The following PRKDC variants were observed in gnomAD, a reference collection of about 807,000 sequenced individuals.
The protein encoded by PRKDC is DNA-dependent protein kinase catalytic subunit.
PRKDC carries 82 observed loss-of-function variants against 486.9 expected under a neutral mutation model. The ratio of observed to expected loss-of-function variants is 0.17; its 90% confidence interval spans 0.14 to 0.20. PRKDC has a LOEUF of 0.20. PRKDC is among the 10% of genes least tolerant of loss of function. The probability of loss-of-function intolerance (pLI) is 1.00; values close to 1 mark genes in which losing one functional copy is unlikely to be tolerated. For missense variants in PRKDC, 4,504 were observed against 5,038.2 expected, an observed-to-expected ratio of 0.89 and a Z score of 3.21; for synonymous variants, 1,895 against 1,837.0, an observed-to-expected ratio of 1.03 and a Z score of -0.81.
In PRKDC at chr8:47,775,088, C is replaced by T. The variant is rs8178264; in HGVS notation, c.12183-711G>A. On this transcript the variant is annotated intron_variant, in intron 85 of 85. Coordinates refer to ENST00000314191, the MANE Select transcript of PRKDC (RefSeq NM_006904.7). ...TATAATTCCAGCTACTCAGGAGGCT[C>T]GGACAGGAGGATCGCTTGAACCCAG... 5.6e-3 allele frequency among the ~76,000 whole-genome samples: 849 copies of T among 151,888 alleles called. 5 individuals are homozygous for T. The highest frequency in any genetic ancestry group is 0.016 in the South Asian group (76 of 4,808).
Position 47,858,501 on chromosome 8 carries a change from TAATC to T in PRKDC, c.6465+11_6465+14del. 6.9e-7 allele frequency: 1 copy of T among 1,457,542 alleles called. No individual in the cohort carries two copies. The highest frequency in any genetic ancestry group is 9.2e-7 in the Non-Finnish European group (1 of 1,081,670). 90.3% of individuals were successfully genotyped at this position (1,457,542 alleles called of 1,614,324 possible). A position where few individuals can be genotyped will look rare whatever the true frequency, so the allele number is the denominator to read the frequency against. On this transcript the variant is annotated intron_variant, in intron 48 of 85. Transcript: ENST00000314191. ...AGAATCTATTCAAAGAATAAAGAAATAATCAATTACTTACCTCTTCTGTATTAAT... is the reference window on the plus strand; with the variant it reads ...AGAATCTATTCAAAGAATAAAGAAATAATTACTTACCTCTTCTGTATTAAT...
chr8:47,853,935 A>G, intron 51 of PRKDC, 148 bp downstream of exon 51: 1 of 1,032,570 alleles, frequency 9.7e-7, no homozygotes, highest in Non-Finnish European at 1.4e-6. Flanking sequence ...CAAACGTGTT[A>G]GAATTACAGG....
chr8:47,834,606 G>C (rs2087966874), intron 58 of PRKDC, among the ~76,000 whole-genome samples: 1 of 151,122 alleles, frequency 6.6e-6, no homozygotes, highest in South Asian at 2.1e-4. Context: ...GTCCCCATTT[G>C]TAAAGTAAGA....
At chr8:47,955,445 GA>G (rs1459242873) in intron 4 of PRKDC, among the ~76,000 whole-genome samples, 1 of 111,856 alleles carries the variant, frequency 8.9e-6, no homozygotes, top group Non-Finnish European at 1.7e-5. Context: ...CTGGGCGACA[GA>G]GCGAGACTCC....
At chr8:47,944,482 A>AT (rs1156986236) in intron 7 of PRKDC, among the ~76,000 whole-genome samples, 12 of 142,968 alleles carry the variant, frequency 8.4e-5, no homozygotes, top group Admixed American at 6.4e-4. Context: ...TAAGAAAAAA[A>AT]TTAAAAAAAA....
In PRKDC at chr8:47,934,765, C is replaced by G. The variant is rs543998832; in HGVS notation, c.1497+244G>C. Reference sequence around the variant, plus strand: ...TGTCCTAGAGTTTCAAGAGAGAAAACATTTCTGATTTACAAAAATGTATAA... The same window carrying G: ...TGTCCTAGAGTTTCAAGAGAGAAAAGATTTCTGATTTACAAAAATGTATAA... On this transcript the variant is annotated intron_variant, in intron 14 of 85. Transcript: ENST00000314191. 5.4e-4 allele frequency among the ~76,000 whole-genome samples: 82 copies of G among 152,240 alleles called. 2 individuals carry two copies. The South Asian group carries it at 0.017, about 31-fold the overall frequency.
Position 47,898,518 on chromosome 8 carries a change from T to C in PRKDC, c.3416A>G (p.Glu1139Gly), listed in dbSNP as rs1470845582. Reference protein sequence around the residue: ...DAIDHLCRIIEKKHVSLNKAK... With the variant: ...DAIDHLCRIIGKKHVSLNKAK... ...TTTATTTAAAGAAACATGCTTCTTTTCAATGATGCGGCATAGGTGATCAAT... is the reference window on the plus strand; with the variant it reads ...TTTATTTAAAGAAACATGCTTCTTTCCAATGATGCGGCATAGGTGATCAAT... Residue 1139 changes from glutamate to glycine, a missense_variant, in exon 29 of 86, where the codon GAA becomes GGA. By Grantham distance (98) the Glu-to-Gly change is moderately conservative. Coordinates refer to ENST00000314191, the MANE Select transcript of PRKDC (RefSeq NM_006904.7). The C allele has an allele frequency of 1.3e-6, 2 of 1,566,028 alleles. No individual in the cohort carries two copies. The highest frequency in any genetic ancestry group is 3.6e-5 in the Admixed American group (2 of 55,186).
In PRKDC at chr8:47,800,564, T is replaced by A. The variant is rs1165731858; in HGVS notation, c.10116+229A>T. On this transcript the variant is annotated intron_variant, in intron 71 of 85. Coordinates refer to ENST00000314191, the MANE Select transcript of PRKDC (RefSeq NM_006904.7). ...CATGGCACATGTATACATATGTAAC[T>A]AACCTGCACATTGTGCACATGTACC... 3.9e-5 allele frequency among the ~76,000 whole-genome samples: 6 copies of A among 152,126 alleles called. No individual in the cohort carries two copies. The East Asian group carries it at 9.6e-4, about 24-fold the overall frequency.
chr8:47,903,292 G>A (rs1017135303), intron 26 of PRKDC, among the ~76,000 whole-genome samples: 6 of 152,186 alleles, frequency 3.9e-5, no homozygotes, highest in East Asian at 1.9e-4. Context: ...AGGCCCTGCC[G>A]AAAACAGCTA....
chr8:47,869,606 C>A (rs996758182), intron 40 of PRKDC, among the ~76,000 whole-genome samples: 1 of 151,706 alleles, frequency 6.6e-6, no homozygotes, highest in African/African-American at 2.4e-5. Flanking sequence ...GTTGTGGTGG[C>A]CACAGGGAGA....
At chr8:47,908,868 CTTA>C (rs1331357273) in intron 25 of PRKDC, among the ~76,000 whole-genome samples, 1 of 152,110 alleles carries the variant, frequency 6.6e-6, no homozygotes, top group Non-Finnish European at 1.5e-5. Flanking sequence ...CCTTCTAAAT[CTTA>C]TTGATTTACA....
At chr8:47,852,902 T>C in intron 51 of PRKDC, 118 bp from the exon 52 acceptor site, 2 of 689,510 alleles carry the variant, frequency 2.9e-6, no homozygotes, top group South Asian at 3.6e-5. Context: ...GAAATCTAAA[T>C]ATAGAATGTG....
intron 59 of PRKDC, among the ~76,000 whole-genome samples, chr8:47,832,351 C>A (rs1332288648): frequency 6.6e-6 from 1 of 152,194 alleles, no homozygotes; most frequent in Non-Finnish European, 1.5e-5. Flanking sequence ...CTGTTTAGTA[C>A]CCCACCAGGA....
chr8:47,939,246 G>A (rs1328800612), intron 11 of PRKDC, among the ~76,000 whole-genome samples: 1 of 152,194 alleles, frequency 6.6e-6, no homozygotes, highest in African/African-American at 2.4e-5. Flanking sequence ...GGGAGGGATT[G>A]GTTCCAGGCC....
intron 40 of PRKDC, among the ~76,000 whole-genome samples, chr8:47,870,780 C>G (rs905533548): frequency 3.9e-5 from 6 of 152,192 alleles, no homozygotes; most frequent in Non-Finnish European, 5.9e-5. Flanking sequence ...TGTCACCTTT[C>G]AGACAGAGAA....
intron 74 of PRKDC, among the ~76,000 whole-genome samples, chr8:47,793,526 G>A (rs1373999257): frequency 1.3e-5 from 2 of 151,918 alleles, no homozygotes; most frequent in Admixed American, 6.6e-5. Flanking sequence ...TGTAATCCCA[G>A]CTACTCAGGA....
intron 37 of PRKDC, 121 bp from the exon 38 acceptor site, chr8:47,881,641 A>C: frequency 1.5e-6 from 1 of 647,632 alleles, no homozygotes; most frequent in South Asian, 2.6e-5. Flanking sequence ...GGCTTCAATA[A>C]TATTTTCACA....
chr8:47,775,865 T>G (rs1178806920), intron 85 of PRKDC, among the ~76,000 whole-genome samples: 1 of 150,150 alleles, frequency 6.7e-6, no homozygotes, highest in Non-Finnish European at 1.5e-5. Flanking sequence ...CTTTGTCGCC[T>G]AGGCTGGAGT....
intron 48 of PRKDC, among the ~76,000 whole-genome samples, chr8:47,858,290 G>A (rs2088591958): frequency 6.6e-6 from 1 of 152,014 alleles, no homozygotes; most frequent in Non-Finnish European, 1.5e-5. Flanking sequence ...CTCACGAGAG[G>A]TGAATTTACA....
Sources: gnomAD v4.1 joint callset for allele counts (sites outside exome capture counted in the v4.1 genomes callset) on GRCh38, gnomAD v4.1.1 for gene constraint, MANE v1.5 for transcripts, NCBI Gene and HGNC (gene_info 2026-07-23, HGNC 2026-07-21) for gene names.